Variants in GLIS3 observed in about 807,000 individuals in gnomAD.
GLIS3 encodes the protein GLIS family zinc finger 3, also known as zinc finger protein GLIS3.
Under a neutral mutation model 78.6 loss-of-function variants are expected in GLIS3, and 53 were observed. That is an observed-to-expected ratio of 0.67 (90% confidence interval 0.54 to 0.85). GLIS3 has a LOEUF of 0.85. Among genes scored for constraint, GLIS3 ranks in the 40% least tolerant of loss-of-function variants. The pLI is 0.00. For synonymous variants in GLIS3, 684 were observed against 509.9 expected (o/e 1.34, Z -4.60); for missense variants, 1,703 against 1,231.1 (o/e 1.38, Z -5.74).
chr9:3,835,200 T>C (rs1244631719), intron 9 of GLIS3, among the ~76,000 whole-genome samples: 2 of 152,212 alleles, frequency 1.3e-5, no homozygotes, highest in African/African-American at 2.4e-5. Context: ...ACCACCAAAC[T>C]GTGGGCACTA....
At chr9:4,483,327 C>T in the GLIS3 span, among the ~76,000 whole-genome samples, 1 of 152,194 alleles carries the variant, frequency 6.6e-6, no homozygotes, top group Non-Finnish European at 1.5e-5. Context: ...AAAGTGTCTG[C>T]TGGACACAGG....
chr9:4,232,454 G>A (rs1430209531), intron 2 of GLIS3, among the ~76,000 whole-genome samples: 2 of 150,818 alleles, frequency 1.3e-5, no homozygotes, highest in Admixed American at 1.3e-4. Flanking sequence ...CCTACCTTTA[G>A]CACAACACTT....
the GLIS3 span, among the ~76,000 whole-genome samples, chr9:4,475,026 C>T: frequency 9.4e-6 from 1 of 106,614 alleles, no homozygotes; most frequent in African/African-American, 4.0e-5. Flanking sequence ...CGTAGTCTTG[C>T]TCTGTCGACC....
chr9:4,217,892 C>T (rs1287067300), intron 2 of GLIS3, among the ~76,000 whole-genome samples: 1 of 152,180 alleles, frequency 6.6e-6, no homozygotes, highest in African/African-American at 2.4e-5. Flanking sequence ...ACAATAATGG[C>T]CTCTTTAAAA....
At chr9:4,046,178 AT>A (rs1825233862) in intron 4 of GLIS3, among the ~76,000 whole-genome samples, 1 of 152,200 alleles carries the variant, frequency 6.6e-6, no homozygotes, top group Non-Finnish European at 1.5e-5. Context: ...AAAACTTGTT[AT>A]AAACTGTTTT....
intron 2 of GLIS3, among the ~76,000 whole-genome samples, chr9:4,184,851 T>C (rs1379418418): frequency 2.0e-5 from 3 of 151,056 alleles, no homozygotes; most frequent in Non-Finnish European, 4.4e-5. Context: ...CAACATTACG[T>C]AGCAAAAAAA....
chr9:4,472,277 A>C, the GLIS3 span, among the ~76,000 whole-genome samples: 8 of 152,240 alleles, frequency 5.3e-5, no homozygotes, highest in Non-Finnish European at 1.0e-4. Context: ...AAAGGATTAT[A>C]AATCATGCTA....
chr9:4,320,080 T>C (rs1055798347), intron 2 of GLIS3, among the ~76,000 whole-genome samples: 4 of 151,992 alleles, frequency 2.6e-5, no homozygotes, highest in African/African-American at 9.7e-5. Context: ...AATCATGATT[T>C]TCAGCTTCTT....
chr9:4,249,832 G>GGC (rs1436946944), intron 2 of GLIS3, among the ~76,000 whole-genome samples: 1,836 of 152,234 alleles, frequency 0.012, 42 homozygotes, highest in African/African-American at 0.042. Flanking sequence ...GCATGAAGCT[G>GGC]TGTTGAATTT....
chr9:4,058,282 C>G (rs950123688), intron 4 of GLIS3, among the ~76,000 whole-genome samples: 2 of 151,912 alleles, frequency 1.3e-5, no homozygotes, highest in Non-Finnish European at 2.9e-5. Flanking sequence ...CTATAATTAA[C>G]AACTATGAAC....
chr9:3,898,922 A>C, intron 6 of GLIS3, 87 bp from the exon 7 acceptor site: 9 of 1,570,510 alleles, frequency 5.7e-6, no homozygotes, highest in Non-Finnish European at 7.8e-6. Flanking sequence ...CTATCAGTGC[A>C]ACTCAGCCCA....
At chr9:3,891,403 C>T (rs749575058) in intron 7 of GLIS3, among the ~76,000 whole-genome samples, 1 of 152,044 alleles carries the variant, frequency 6.6e-6, no homozygotes, top group Non-Finnish European at 1.5e-5. Flanking sequence ...TGGTCAGTAA[C>T]GTAATTTAAG....
intron 8 of GLIS3, among the ~76,000 whole-genome samples, chr9:3,865,327 G>A (rs752420709): frequency 6.6e-5 from 10 of 152,182 alleles, no homozygotes; most frequent in Non-Finnish European, 1.0e-4. Flanking sequence ...CTGTCGCTAC[G>A]TGGGAAAGGA....
intron 2 of GLIS3, among the ~76,000 whole-genome samples, chr9:4,262,710 TTC>T (rs1825640770): frequency 1.3e-5 from 2 of 152,202 alleles, no homozygotes; most frequent in African/African-American, 2.4e-5. Flanking sequence ...TATGCAGCTT[TTC>T]TAACTTTGGA....
intron 4 of GLIS3, among the ~76,000 whole-genome samples, chr9:4,052,947 T>C (rs916373298): frequency 6.8e-6 from 1 of 147,566 alleles, no homozygotes; most frequent in Admixed American, 6.6e-5. Flanking sequence ...TTTAATTTAG[T>C]ATTTTAATTT....
the GLIS3 span, among the ~76,000 whole-genome samples, chr9:4,439,616 T>A: frequency 6.6e-6 from 1 of 152,232 alleles, no homozygotes; most frequent in East Asian, 1.9e-4. Context: ...CATTCTACTC[T>A]CTCCTTCTAT....
chr9:4,399,943 C>T, the GLIS3 span, among the ~76,000 whole-genome samples: 2 of 152,228 alleles, frequency 1.3e-5, no homozygotes, highest in East Asian at 3.9e-4. Context: ...CTTTTCAATA[C>T]AGCATGGTTG....
chr9:4,020,598 A>G (rs758088043), intron 4 of GLIS3, among the ~76,000 whole-genome samples: 13 of 152,248 alleles, frequency 8.5e-5, no homozygotes, highest in South Asian at 2.1e-4. Context: ...TTATGCAGTG[A>G]CATGGATTCT....
chr9:3,903,813 T>C (rs1004801578), intron 6 of GLIS3, among the ~76,000 whole-genome samples: 4 of 152,138 alleles, frequency 2.6e-5, no homozygotes, highest in African/African-American at 9.7e-5. Context: ...AGGGGGAATT[T>C]TGACCTTTTT....
Sources: allele counts gnomAD v4.1 joint callset (sites outside exome capture counted in the v4.1 genomes callset), GRCh38; gene constraint gnomAD v4.1.1; transcripts MANE v1.5; gene names NCBI Gene and HGNC (gene_info 2026-07-23, HGNC 2026-07-21).